Variants in SDCCAG8 observed in about 807,000 individuals in gnomAD.
SDCCAG8 encodes serologically defined colon cancer antigen 8.
Under a neutral mutation model 101.8 loss-of-function variants are expected in SDCCAG8, and 74 were observed. The observed-to-expected ratio is 0.73, with a 90% CI of 0.60 to 0.88. SDCCAG8 has a LOEUF of 0.88. Ranked by LOEUF, SDCCAG8 falls within the 40% of genes least tolerant of loss-of-function variation. The probability of loss-of-function intolerance (pLI) is 0.00; values close to 1 mark genes in which losing one functional copy is unlikely to be tolerated. For missense variants in SDCCAG8, 787 were observed against 822.6 expected (o/e 0.96, Z 0.53); for synonymous variants, 281 against 292.9 (o/e 0.96, Z 0.41).
chr1:243,298,350 C>CTTTT (rs35061154), intron 6 of SDCCAG8, among the ~76,000 whole-genome samples: 25 of 51,066 alleles, frequency 4.9e-4, no homozygotes, highest in Admixed American at 6.2e-4. Flanking sequence ...CGCACCCTGC[C>CTTTT]TTTTTTTTTT....
chr1:243,272,291 C>T (rs1031138240), intron 3 of SDCCAG8, among the ~76,000 whole-genome samples: 2 of 152,198 alleles, frequency 1.3e-5, no homozygotes, highest in African/African-American at 4.8e-5. Flanking sequence ...AGACATGTCA[C>T]TTTCTTTTCT....
chr1:243,374,800 A>C (rs1387942235), intron 12 of SDCCAG8, among the ~76,000 whole-genome samples: 1 of 152,130 alleles, frequency 6.6e-6, no homozygotes, highest in Admixed American at 6.6e-5. Flanking sequence ...CAGAAGATAG[A>C]GATCAACCAG....
chr1:243,444,319 C>T (rs2082748163), intron 16 of SDCCAG8, among the ~76,000 whole-genome samples: 1 of 150,746 alleles, frequency 6.6e-6, no homozygotes, highest in Non-Finnish European at 1.5e-5. Flanking sequence ...ACGTCATAGG[C>T]TTAACTTTAT....
intron 16 of SDCCAG8, among the ~76,000 whole-genome samples, chr1:243,445,997 A>G (rs978397685): frequency 6.6e-6 from 1 of 152,240 alleles, no homozygotes; most frequent in African/African-American, 2.4e-5. Flanking sequence ...TTTAGGAAGT[A>G]GAGCACAACT....
At chr1:243,271,764 G>A (rs1212719485) in intron 3 of SDCCAG8, among the ~76,000 whole-genome samples, 1 of 151,982 alleles carries the variant, frequency 6.6e-6, no homozygotes, top group Admixed American at 6.6e-5. Flanking sequence ...GGCTGGTCTC[G>A]AACTCTGAAC....
intron 16 of SDCCAG8, among the ~76,000 whole-genome samples, chr1:243,427,265 G>A (rs2081400598): frequency 1.3e-5 from 2 of 152,178 alleles, no homozygotes; most frequent in African/African-American, 4.8e-5. Flanking sequence ...GGAATAAGTG[G>A]TAGAGTTCAG....
chr1:243,488,981 C>A (rs1354346591), intron 16 of SDCCAG8, 33 bp from the exon 17 acceptor site: 1 of 1,613,082 alleles, frequency 6.2e-7, no homozygotes, highest in Non-Finnish European at 8.5e-7. Context: ...CTGACGTTAT[C>A]CCTCTTTAAT....
chr1:243,275,218 A>G (rs2068437895), intron 4 of SDCCAG8, among the ~76,000 whole-genome samples: 1 of 152,164 alleles, frequency 6.6e-6, no homozygotes. Flanking sequence ...AATGTCATTA[A>G]TGCTAATAGA....
intron 10 of SDCCAG8, among the ~76,000 whole-genome samples, chr1:243,331,497 G>A (rs1435944431): frequency 6.6e-6 from 1 of 152,184 alleles, no homozygotes; most frequent in African/African-American, 2.4e-5. Context: ...CAATGTGGAG[G>A]CCTAAAGATA....
chr1:243,431,254 T>G (rs982858085), intron 16 of SDCCAG8, among the ~76,000 whole-genome samples: 1 of 152,160 alleles, frequency 6.6e-6, no homozygotes, highest in Non-Finnish European at 1.5e-5. Context: ...CAAGCAATGA[T>G]GATGCTTGGA....
At chr1:243,393,946 C>T (rs528664376) in intron 13 of SDCCAG8, among the ~76,000 whole-genome samples, 1 of 152,216 alleles carries the variant, frequency 6.6e-6, no homozygotes, top group South Asian at 2.1e-4. Flanking sequence ...AAAATATAAG[C>T]ATAATTCAGA....
At chr1:243,375,504 C>T (rs1004947538) in intron 12 of SDCCAG8, among the ~76,000 whole-genome samples, 1 of 152,140 alleles carries the variant, frequency 6.6e-6, no homozygotes, top group African/African-American at 2.4e-5. Context: ...ATTCGATCCC[C>T]AGTACTGTTT....
chr1:243,304,072 CA>C (rs147707292), intron 6 of SDCCAG8, among the ~76,000 whole-genome samples: 41,633 of 145,550 alleles, frequency 0.29, 5,777 homozygotes, highest in South Asian at 0.47. Context: ...GACTCTGTCT[CA>C]AAAAAAAAAA....
In SDCCAG8 at chr1:243,256,046, A is replaced by T; in HGVS notation, c.-128A>T. 1 of 860,710 alleles carries T rather than the reference A, an allele frequency of 1.2e-6. No individual in the cohort carries two copies. The highest frequency in any genetic ancestry group is 2.0e-6 in the Non-Finnish European group (1 of 496,064). The allele number at this position is 860,710 out of a possible 1,614,324, so 53.3% of individuals were successfully genotyped here. ...CCCCAAGAGCTCTGTGCGGGATTCT[A>T]GGCTCCCCTGTGACAGCCGCGGCAG... On this transcript the variant is annotated 5_prime_UTR_variant, in exon 1 of 18. Coordinates refer to ENST00000366541, the MANE Select transcript of SDCCAG8 (RefSeq NM_006642.5).
intron 16 of SDCCAG8, among the ~76,000 whole-genome samples, chr1:243,441,130 A>G (rs2082509547): frequency 6.6e-6 from 1 of 152,232 alleles, no homozygotes; most frequent in Non-Finnish European, 1.5e-5. Flanking sequence ...AAACAGCATT[A>G]AAGAGGCTTT....
chr1:243,307,671 G>C (rs1214835411), intron 7 of SDCCAG8: 3 of 1,216,800 alleles, frequency 2.5e-6, no homozygotes, highest in Non-Finnish European at 3.1e-6. Context: ...TTTGTTTTGT[G>C]GTTAATATAA....
intron 3 of SDCCAG8, among the ~76,000 whole-genome samples, chr1:243,272,890 G>A (rs1181045018): frequency 6.6e-6 from 1 of 152,110 alleles, no homozygotes; most frequent in Non-Finnish European, 1.5e-5. Flanking sequence ...GCACTGTTGA[G>A]ATGGAAAAAA....
At position 243,357,239 on chromosome 1, in the gene SDCCAG8, C is replaced by T. The variant is rs185615189; in HGVS notation, c.1473+12908C>T. ...CTAAAAATACACAAAATTAGCCAGGCGTGGTGGCACATGCCTGTATTCCCA... is the reference window on the plus strand; with the variant it reads ...CTAAAAATACACAAAATTAGCCAGGTGTGGTGGCACATGCCTGTATTCCCA... On this transcript the variant is annotated intron_variant, in intron 12 of 17. Transcript: ENST00000366541. 1.9e-3 allele frequency among the ~76,000 whole-genome samples: 281 copies of T among 151,846 alleles called. 2 individuals carry two copies. Among genetic ancestry groups the T allele is most frequent in the African/African-American group, 6.5e-3 (269 of 41,390 alleles).
chr1:243,351,993 C>T (rs2076107322), intron 12 of SDCCAG8, among the ~76,000 whole-genome samples: 2 of 152,170 alleles, frequency 1.3e-5, no homozygotes, highest in African/African-American at 4.8e-5. Context: ...ATGATTTAGG[C>T]AGTTGTTTTC....
Sources: allele counts gnomAD v4.1 joint callset (sites outside exome capture counted in the v4.1 genomes callset), GRCh38; gene constraint gnomAD v4.1.1; transcripts MANE v1.5; gene names NCBI Gene and HGNC (gene_info 2026-07-23, HGNC 2026-07-21).